The following EXOC6B variants were observed in gnomAD, a reference collection of about 807,000 sequenced individuals.
EXOC6B encodes SEC15 homolog B.
EXOC6B carries 54 observed loss-of-function variants against 113.5 expected under a neutral mutation model. The observed-to-expected ratio is 0.48, with a 90% confidence interval of 0.38 to 0.60. The LOEUF (loss-of-function observed/expected upper bound fraction) is 0.60. Among genes scored for constraint, EXOC6B ranks in the 20% least tolerant of loss-of-function variants. The pLI is 0.00. For synonymous variants in EXOC6B, 357 were observed against 339.0 expected (o/e 1.05, Z -0.58); for missense variants, 797 against 977.5 (o/e 0.82, Z 2.46).
chr2:72,505,431 C>T (rs775022770), intron 11 of EXOC6B, among the ~76,000 whole-genome samples: 3 of 152,082 alleles, frequency 2.0e-5, no homozygotes, highest in Non-Finnish European at 4.4e-5. Flanking sequence ...TATCCAATGA[C>T]CATATCAGAG....
At chr2:72,401,524 CATATATAT>C (rs1186731784) in intron 18 of EXOC6B, among the ~76,000 whole-genome samples, 15 of 29,702 alleles carry the variant, frequency 5.1e-4, no homozygotes, top group South Asian at 9.3e-4. Context: ...TACATATATA[CATATATAT>C]ATATATATAT....
At chr2:72,752,509 T>C (rs927236559) in intron 1 of EXOC6B, among the ~76,000 whole-genome samples, 2 of 151,644 alleles carry the variant, frequency 1.3e-5, no homozygotes, top group Admixed American at 6.6e-5. Flanking sequence ...TTCTGATAAA[T>C]TTCCTTCTGG....
intron 20 of EXOC6B, among the ~76,000 whole-genome samples, chr2:72,265,234 ATTCTT>A (rs1683988519): frequency 7.6e-6 from 1 of 131,324 alleles, no homozygotes; most frequent in Non-Finnish European, 1.6e-5. Flanking sequence ...ACTCTTAACT[ATTCTT>A]TTATTATTAT....
chr2:72,756,484 A>G (rs1682420997), intron 1 of EXOC6B, among the ~76,000 whole-genome samples: 1 of 152,224 alleles, frequency 6.6e-6, no homozygotes, highest in African/African-American at 2.4e-5. Flanking sequence ...ACCAACTCAT[A>G]TGAAAAGCAA....
intron 20 of EXOC6B, among the ~76,000 whole-genome samples, chr2:72,219,659 T>C (rs907135759): frequency 1.3e-5 from 2 of 152,122 alleles, no homozygotes; most frequent in Admixed American, 1.3e-4. Context: ...GGGTCAGCCA[T>C]AGGTTTTCTC....
At position 72,825,931 on chromosome 2, in the gene EXOC6B, C is replaced by A. The variant is rs957158108; in HGVS notation, c.-21G>T. 1 of 1,609,982 alleles carries A rather than the reference C, an allele frequency of 6.2e-7. No individual in the cohort carries two copies. Among genetic ancestry groups the A allele is most frequent in the Non-Finnish European group, 8.5e-7 (1 of 1,179,012 alleles). On this transcript the variant is annotated 5_prime_UTR_variant, in exon 1 of 22. Coordinates refer to ENST00000272427, the MANE Select transcript of EXOC6B (RefSeq NM_015189.3). This position sits in a 1 kb window ranked among gnomAD's most constrained non-coding sequence, Gnocchi z 4.4. ...TCCATAGACTGGGGGCGCCCCGCAG[C>A]GCGTCCCCTCCGTCGGCTCGGCTCA...
intron 6 of EXOC6B, among the ~76,000 whole-genome samples, chr2:72,593,272 C>A (rs966880518): frequency 2.0e-5 from 3 of 151,944 alleles, no homozygotes; most frequent in Non-Finnish European, 2.9e-5. Flanking sequence ...TTCTGTAAAC[C>A]ATTACAGCAC....
chr2:72,806,993 GT>G (rs1175665231), intron 1 of EXOC6B, among the ~76,000 whole-genome samples: 1 of 152,024 alleles, frequency 6.6e-6, no homozygotes, highest in Non-Finnish European at 1.5e-5. Flanking sequence ...TCATTTGATA[GT>G]TTCTTTTAAT....
intron 19 of EXOC6B, among the ~76,000 whole-genome samples, chr2:72,376,591 G>A (rs764558457): frequency 6.6e-6 from 1 of 151,924 alleles, no homozygotes; most frequent in Non-Finnish European, 1.5e-5. Context: ...ATTTAAATTC[G>A]TGTGTTAATA....
chr2:72,628,828 T>C (rs941301607), intron 6 of EXOC6B, among the ~76,000 whole-genome samples: 8 of 152,148 alleles, frequency 5.3e-5, no homozygotes, highest in African/African-American at 1.4e-4. Context: ...CAGTACGTTG[T>C]TACAAGAGCC....
intron 1 of EXOC6B, among the ~76,000 whole-genome samples, chr2:72,815,491 C>CAA (rs77713111): frequency 1.1e-5 from 1 of 93,646 alleles, no homozygotes; most frequent in African/African-American, 3.8e-5. Flanking sequence ...GACCCTGTTT[C>CAA]AAAAAAAAAA....
intron 20 of EXOC6B, among the ~76,000 whole-genome samples, chr2:72,211,995 T>C (rs1462818446): frequency 1.3e-5 from 2 of 151,088 alleles, no homozygotes; most frequent in African/African-American, 2.4e-5. Flanking sequence ...CAGATGGGAG[T>C]GTGTGGAATC....
intron 20 of EXOC6B, among the ~76,000 whole-genome samples, chr2:72,231,008 T>C (rs996660271): frequency 6.6e-6 from 1 of 152,116 alleles, no homozygotes; most frequent in Non-Finnish European, 1.5e-5. Flanking sequence ...AGATAAAGAA[T>C]AAAGCAGTTA....
At chr2:72,504,404 A>G (rs949942015) in intron 11 of EXOC6B, among the ~76,000 whole-genome samples, 10 of 152,216 alleles carry the variant, frequency 6.6e-5, no homozygotes, top group African/African-American at 2.4e-4. Context: ...GAAATAAGCC[A>G]TATGTATAAT....
At chr2:72,663,123 C>A (rs1373624619) in intron 6 of EXOC6B, among the ~76,000 whole-genome samples, 1 of 152,156 alleles carries the variant, frequency 6.6e-6, no homozygotes, top group Non-Finnish European at 1.5e-5. Flanking sequence ...TGGAAACAAA[C>A]CAAATGCCAA....
intron 8 of EXOC6B, among the ~76,000 whole-genome samples, chr2:72,528,036 T>C (rs1264813349): frequency 2.6e-5 from 4 of 152,040 alleles, no homozygotes; most frequent in Non-Finnish European, 4.4e-5. Flanking sequence ...AGTAAAAGTG[T>C]TTAATTTTGA....
chr2:72,370,886 T>G (rs2105026391), intron 19 of EXOC6B, among the ~76,000 whole-genome samples: 1 of 142,942 alleles, frequency 7.0e-6, no homozygotes, highest in South Asian at 2.5e-4. Flanking sequence ...GGGGGAGGGA[T>G]ATGCCTAATG....
chr2:72,635,647 C>T (rs972579937), intron 6 of EXOC6B, among the ~76,000 whole-genome samples: 4 of 152,036 alleles, frequency 2.6e-5, no homozygotes, highest in African/African-American at 9.7e-5. Flanking sequence ...GAATTAACAC[C>T]AATTCTACAC....
intron 20 of EXOC6B, among the ~76,000 whole-genome samples, chr2:72,302,221 AT>A (rs1303207827): frequency 6.6e-6 from 1 of 151,924 alleles, no homozygotes; most frequent in East Asian, 1.9e-4. Flanking sequence ...TATGATTTTG[AT>A]TCTTTTGCAT....
Sources: allele counts gnomAD v4.1 joint callset (sites outside exome capture counted in the v4.1 genomes callset), GRCh38; gene constraint gnomAD v4.1.1; non-coding constraint Gnocchi (gnomAD v3.1); transcripts MANE v1.5; gene names NCBI Gene and HGNC (gene_info 2026-07-23, HGNC 2026-07-21).